PSTK: variants seen among roughly 807,000 people sequenced by gnomAD.
PSTK encodes the protein phosphoseryl-tRNA kinase.
Under a neutral mutation model 38.6 loss-of-function variants are expected in PSTK, and 26 were observed. That is an observed-to-expected ratio of 0.67 (90% CI 0.49 to 0.94). PSTK has a LOEUF of 0.94. Ranked by LOEUF, PSTK falls within the 40% of genes least tolerant of loss-of-function variation. The pLI is 0.00. For synonymous variants in PSTK, 181 were observed against 161.7 expected (o/e 1.12, Z -0.91); for missense variants, 445 against 436.3 (o/e 1.02, Z -0.18).
intron 3 of PSTK, chr10:122,985,525 T>C (rs926756152): frequency 1.3e-5 from 2 of 152,262 alleles, no homozygotes; most frequent in Non-Finnish European, 2.9e-5. Context: ...TCAATACATA[T>C]TTGTTAAATC....
chr10:122,981,250 G>C (rs1848955991), intron 1 of PSTK, among the ~76,000 whole-genome samples: 1 of 152,252 alleles, frequency 6.6e-6, no homozygotes, highest in Non-Finnish European at 1.5e-5. Context: ...GACCTATGAA[G>C]CTTAATCTTT....
In PSTK at chr10:122,986,377, T is replaced by A; in HGVS notation, c.783+2T>A. Reference sequence around the variant, plus strand: ...GCTGAGGACAATATGGAACAAAAGGTAAACTTCCAGTGTAAATTTAATGTA... The same window carrying A: ...GCTGAGGACAATATGGAACAAAAGGAAAACTTCCAGTGTAAATTTAATGTA... On this transcript the variant is annotated splice_donor_variant, in intron 4 of 5. Coordinates refer to ENST00000406217, the MANE Select transcript of PSTK (RefSeq NM_001363531.2). LOFTEE classifies it high-confidence loss of function. The A allele has an allele frequency of 6.3e-7, 1 of 1,594,846 alleles. No homozygotes were observed. The highest frequency in any genetic ancestry group is 8.6e-7 in the Non-Finnish European group (1 of 1,162,482).
intron 2 of PSTK, 39 bp downstream of exon 2, chr10:122,983,063 T>A: frequency 6.5e-7 from 1 of 1,529,600 alleles, no homozygotes; most frequent in South Asian, 1.2e-5. Context: ...TGGAGATACT[T>A]ATTCACGTAT....
chr10:122,983,317 C>A lies in PSTK; in HGVS notation c.554C>A (p.Thr185Asn). ...CTCTTTTTAGATTGTCCTCTTGAGA[C>A]CTGTTTACAGAGGAATGGCCAGAGG... ...CQLFLDCPLE[T>N]CLQRNGQRPQ... is the part of the protein sequence containing the mutation. The change falls in exon 3 of 6, where the codon ACC becomes AAC. Residue 185 changes from threonine (T) to asparagine (N), a missense_variant. By Grantham distance (65) the Thr-to-Asn change is moderately conservative. Transcript: ENST00000406217. The A allele has an allele frequency of 6.2e-7, 1 of 1,614,156 alleles. No homozygotes were observed. The highest frequency in any genetic ancestry group is 8.5e-7 in the Non-Finnish European group (1 of 1,180,012).
At chr10:122,988,199 C>T (rs967204467) in intron 5 of PSTK, among the ~76,000 whole-genome samples, 7 of 151,948 alleles carry the variant, frequency 4.6e-5, no homozygotes, top group South Asian at 2.1e-4. Context: ...AACAGAGGAC[C>T]GGAACAGAAA....
rs1246925979 is a variant in PSTK at position 122,983,452 on chromosome 10, C to T, written c.689C>T (p.Ala230Val). The change falls in exon 3 of 6, where the codon GCA becomes GTA. Residue 230 changes from alanine (A) to valine (V), a missense_variant. Ala to Val is a moderately conservative substitution (Grantham distance 64). Coordinates refer to ENST00000406217, the MANE Select transcript of PSTK (RefSeq NM_001363531.2). ...AACAGCCTCACAATTCCGAGTCCAG[C>T]ATGTGCTTCGGAGGCCAGGTATTCC... ...EHNSLTIPSP[A>V]CASEASLEVT... is the part of the protein sequence containing the mutation. 6.2e-6 allele frequency: 10 copies of T among 1,613,230 alleles called. No homozygotes were observed. Among genetic ancestry groups the T allele is most frequent in the Non-Finnish European group, 8.5e-6 (10 of 1,179,958 alleles).
Position 122,980,723 on chromosome 10 carries a change from C to CGCGGCGGG in PSTK, c.216+32_216+33insCGGGGCGG, listed in dbSNP as rs1554863754. 2 of 661,038 alleles carry CGCGGCGGG rather than the reference C, an allele frequency of 3.0e-6. No homozygotes were observed. Among genetic ancestry groups the CGCGGCGGG allele is most frequent in the Non-Finnish European group, 3.8e-6 (2 of 533,296 alleles). The allele number at this position is 661,038 out of a possible 1,614,324, so 40.9% of individuals were successfully genotyped here. On this transcript the variant is annotated intron_variant, in intron 1 of 5. Transcript: ENST00000406217. The surrounding 1 kb of genome is among the most constrained non-coding windows in gnomAD (Gnocchi z 4.3). ...CAGCACGGAGGGGCGGGGCCTGGGC[C>CGCGGCGGG]GCGGGGCGGGGCGGGGCGGGGCGGG...
intron 4 of PSTK, 80 bp from the exon 5 acceptor site, chr10:122,986,789 C>T: frequency 2.2e-6 from 2 of 904,730 alleles, no homozygotes; most frequent in Non-Finnish European, 3.4e-6. Context: ...TTAGTCCTTT[C>T]AAATACATGT....
intron 4 of PSTK, 53 bp from the exon 5 acceptor site, chr10:122,986,816 A>T: frequency 1.7e-6 from 2 of 1,179,774 alleles, no homozygotes; most frequent in Non-Finnish European, 2.5e-6. Flanking sequence ...TTCTTTAGCC[A>T]TTTATTTTAT....
chr10:122,987,289 G>A (rs1289630794), intron 5 of PSTK: 3 of 1,572,028 alleles, frequency 1.9e-6, no homozygotes, highest in Non-Finnish European at 1.7e-6. Flanking sequence ...GAAAATTTAA[G>A]TAAGGTAAGG....
intron 5 of PSTK, 136 bp from the exon 6 acceptor site, chr10:122,990,038 T>C: frequency 1.8e-6 from 1 of 552,538 alleles, no homozygotes; most frequent in South Asian, 3.1e-5. Flanking sequence ...CTTTTTTCTA[T>C]ATATTACACT....
At position 122,990,306 on chromosome 10, in the gene PSTK, A is replaced by T. The variant is rs1411459686; in HGVS notation, c.1010A>T (p.Asp337Val). ...TTTCAGCAAACCATTGACATACCAG[A>T]TGTCATTTCTTTTTTTCATTATGAG... ...LCFQQTIDIP[D>V]VISFFHYEKD... Residue 337 changes from aspartate (D) to valine (V), a missense_variant, in exon 6 of 6, where the codon GAT becomes GTT. Coordinates refer to ENST00000406217, the MANE Select transcript of PSTK (RefSeq NM_001363531.2). The T allele has an allele frequency of 4.6e-6, 7 of 1,524,356 alleles. No individual in the cohort carries two copies. The East Asian group carries it at 1.7e-4, about 38-fold the overall frequency. 94.4% of individuals were successfully genotyped at this position (1,524,356 alleles called of 1,614,324 possible).
chr10:122,987,495 A>G, intron 5 of PSTK: 1 of 1,613,940 alleles, frequency 6.2e-7, no homozygotes, highest in Middle Eastern at 1.6e-4. Context: ...GCCATTGAGC[A>G]CGGGGTGAGG....
In PSTK at chr10:122,980,500, C is replaced by G. The variant is rs893031693; in HGVS notation, c.21C>G (p.Ile7Met). The change falls in exon 1 of 6, where the codon ATC (isoleucine) becomes ATG (methionine). Residue 7 changes from isoleucine (I) to methionine (M), a missense_variant. Physicochemically the swap from Ile to Met is conservative, Grantham distance 10. Transcript: ENST00000406217. This position sits in a 1 kb window ranked among gnomAD's most constrained non-coding sequence, Gnocchi z 4.3. ...GCAGCATGAAGACCGCCGAGAACAT[C>G]AGAGGAACCGGCAGCGACGGGCCGC... MKTAENIRGTGSDGPRK... is the reference protein window; with the variant it reads MKTAENMRGTGSDGPRK... The G allele has an allele frequency of 8.1e-6, 13 of 1,606,840 alleles. No individual in the cohort carries two copies. The African/African-American group carries it at 1.3e-4, about 17-fold the overall frequency.
chr10:122,987,333 G>A (rs1054487138), intron 5 of PSTK: 1 of 1,612,486 alleles, frequency 6.2e-7, no homozygotes, highest in African/African-American at 1.3e-5. Context: ...TTTTTAAAAA[G>A]GTAATCAGGA....
At chr10:122,988,632 A>G (rs1011400379) in intron 5 of PSTK, among the ~76,000 whole-genome samples, 1 of 152,236 alleles carries the variant, frequency 6.6e-6, no homozygotes, top group African/African-American at 2.4e-5. Context: ...GGATCTGAGT[A>G]GACATGCTCA....
chr10:122,985,798 A>G (rs1564731098), intron 3 of PSTK: 1 of 152,250 alleles, frequency 6.6e-6, no homozygotes, highest in South Asian at 2.1e-4. Flanking sequence ...GAGCTACTGC[A>G]TTTGGATTGT....
chr10:122,989,344 C>G lies in PSTK; in HGVS notation c.878-830C>G, dbSNP rs1002782064. Among the ~76,000 whole-genome samples, 27 of 152,148 alleles carry G rather than the reference C, an allele frequency of 1.8e-4. No individual in the cohort carries two copies. In the East Asian group the frequency reaches 5.2e-3, roughly 29 times the overall value. ...TTGGCTCACTGCAACCTCCACCTCC[C>G]GGGTTCAAGTGATTCTCCTGCCTCA... On this transcript the variant is annotated intron_variant, in intron 5 of 5. Coordinates refer to ENST00000406217, the MANE Select transcript of PSTK (RefSeq NM_001363531.2).
At chr10:122,987,308 T>C in intron 5 of PSTK, 1 of 1,595,868 alleles carries the variant, frequency 6.3e-7, no homozygotes, top group East Asian at 2.3e-5. Flanking sequence ...GGCAGTGTAG[T>C]GATGGGAGGA....
Sources: allele counts gnomAD v4.1 joint callset (sites outside exome capture counted in the v4.1 genomes callset), GRCh38; gene constraint gnomAD v4.1.1; non-coding constraint Gnocchi (gnomAD v3.1); transcripts MANE v1.5; gene names NCBI Gene and HGNC (gene_info 2026-07-23, HGNC 2026-07-21).